The following MAGI3 variants were observed in gnomAD, a reference collection of about 807,000 sequenced individuals.
MAGI3 encodes membrane associated guanylate kinase, WW and PDZ domain containing 3, also known as membrane-associated guanylate kinase, WW and PDZ domain-containing protein 3.
A neutral mutation model predicts 121.8 loss-of-function variants in MAGI3; 43 were observed. That is an observed-to-expected ratio of 0.35 (90% CI 0.28 to 0.46). The LOEUF (loss-of-function observed/expected upper bound fraction) is 0.46. Ranked by LOEUF, MAGI3 falls within the 20% of genes least tolerant of loss-of-function variation. The pLI is 1.00. For synonymous variants in MAGI3, 553 were observed against 639.3 expected (o/e 0.86, Z 2.04); for missense variants, 1,547 against 1,797.3 (o/e 0.86, Z 2.52).
At position 113,633,238 on chromosome 1, in the gene MAGI3, A is replaced by ATTTTT. The variant is rs71090716; in HGVS notation, c.1361-8636_1361-8632dup. On this transcript the variant is annotated intron_variant, in intron 9 of 20. Coordinates refer to ENST00000307546, the MANE Select transcript of MAGI3 (RefSeq NM_001142782.2). ...TCCCTACAAAGGACATGAACTCATC[A>ATTTTT]TTTTTTTTTTTTTTTTTTTTTTTTT... is the stretch of plus-strand genomic sequence containing the variant. Among the ~76,000 whole-genome samples the ATTTTT allele has an allele frequency of 1.2e-3, 70 of 56,668 alleles. 23 individuals are homozygous for ATTTTT. The highest frequency in any genetic ancestry group is 2.6e-3 in the East Asian group (4 of 1,546). 37.2% of individuals were successfully genotyped at this position (56,668 alleles called of 152,430 possible). A position where few individuals can be genotyped will look rare whatever the true frequency, so the allele number is the denominator to read the frequency against.
At chr1:113,668,300 A>G (rs1228412410) in intron 16 of MAGI3, among the ~76,000 whole-genome samples, 2 of 152,250 alleles carry the variant, frequency 1.3e-5, no homozygotes, top group African/African-American at 4.8e-5. Flanking sequence ...CAGAAAGCCC[A>G]GCAAAAATGT....
intron 14 of MAGI3, among the ~76,000 whole-genome samples, chr1:113,652,605 G>C (rs1340920108): frequency 3.3e-5 from 5 of 151,936 alleles, no homozygotes; most frequent in South Asian, 2.1e-4. Context: ...AAGTTTCATA[G>C]TAGTTTGGTA....
chr1:113,475,076 C>T (rs1296650749), intron 1 of MAGI3, among the ~76,000 whole-genome samples: 1 of 152,130 alleles, frequency 6.6e-6, no homozygotes, highest in Admixed American at 6.5e-5. Context: ...GTGATTTTTG[C>T]ACATTGATTT....
At chr1:113,674,482 A>T (rs1299845229) in intron 19 of MAGI3, among the ~76,000 whole-genome samples, 4 of 151,904 alleles carry the variant, frequency 2.6e-5, no homozygotes, top group Non-Finnish European at 5.9e-5. Flanking sequence ...TACATTAAAA[A>T]CTTTTAATTT....
intron 1 of MAGI3, among the ~76,000 whole-genome samples, chr1:113,505,060 A>G (rs1461518292): frequency 2.0e-5 from 3 of 152,132 alleles, no homozygotes; most frequent in African/African-American, 7.2e-5. Flanking sequence ...TATGTAGCAA[A>G]AGAGAAGAAT....
intron 6 of MAGI3, among the ~76,000 whole-genome samples, chr1:113,602,350 C>T (rs1355881733): frequency 1.3e-5 from 2 of 152,158 alleles, no homozygotes; most frequent in East Asian, 3.8e-4. Context: ...ATTAAACAGT[C>T]TGCTCCTAAG....
intron 7 of MAGI3, among the ~76,000 whole-genome samples, chr1:113,619,036 G>A (rs1350376426): frequency 2.0e-5 from 3 of 152,142 alleles, no homozygotes; most frequent in African/African-American, 4.8e-5. Context: ...GAATAGTTTG[G>A]CTAATCTCCT....
At chr1:113,598,031 G>A (rs1458053551) in intron 6 of MAGI3, among the ~76,000 whole-genome samples, 2 of 152,112 alleles carry the variant, frequency 1.3e-5, no homozygotes, top group Admixed American at 1.3e-4. Context: ...GACCAACATG[G>A]TGAAACCCCA....
chr1:113,416,201 T>A (rs1183086851), intron 1 of MAGI3, among the ~76,000 whole-genome samples: 4 of 118,870 alleles, frequency 3.4e-5, no homozygotes, highest in Non-Finnish European at 5.4e-5. Context: ...ATGTAATTAA[T>A]GACACATATT....
At chr1:113,443,218 A>C (rs1236423468) in intron 1 of MAGI3, among the ~76,000 whole-genome samples, 2 of 152,164 alleles carry the variant, frequency 1.3e-5, no homozygotes, top group Non-Finnish European at 2.9e-5. Context: ...TGGTTCTGTT[A>C]ATTTGAATTA....
Position 113,391,164 on chromosome 1 carries a change from A to G in MAGI3, c.131A>G (p.Tyr44Cys). Residue 44 changes from tyrosine (Y) to cysteine (C), a missense_variant, in exon 1 of 21, where the codon TAC becomes TGC. Physicochemically the swap from Tyr to Cys is radical, Grantham distance 194 (BLOSUM62 -2). Transcript: ENST00000307546. This position sits in a 1 kb window ranked among gnomAD's most constrained non-coding sequence, Gnocchi z 4.4. Reference sequence around the variant, plus strand: ...GGCGCGGAGCGTGGCGAGTTCCCCTACCTGGGGCGGCTCCGCGAGGAGCCC... The same window carrying G: ...GGCGCGGAGCGTGGCGAGTTCCCCTGCCTGGGGCGGCTCCGCGAGGAGCCC... Reference protein sequence around the residue: ...RGGAERGEFPYLGRLREEPGG... With the variant: ...RGGAERGEFPCLGRLREEPGG... The G allele has an allele frequency of 6.4e-7, 1 of 1,556,552 alleles. No homozygotes were observed. The highest frequency in any genetic ancestry group is 8.7e-7 in the Non-Finnish European group (1 of 1,150,878).
rs1473719862 is a variant in MAGI3 at position 113,423,268 on chromosome 1, G to A, written c.316+31919G>A. Among the ~76,000 whole-genome samples, 57 of 146,826 alleles carry A rather than the reference G, an allele frequency of 3.9e-4. 1 individual carries two copies. The highest frequency in any genetic ancestry group is 6.8e-4 in the Non-Finnish European group (45 of 66,094). On this transcript the variant is annotated intron_variant, in intron 1 of 20. Transcript: ENST00000307546. ...TTCGTTTTTTTTTTTTTGGGGGGGG[G>A]GTTGTTTTTGTTTTTGTTTTTGAGA...
chr1:113,402,027 A>G (rs1224042535), intron 1 of MAGI3, among the ~76,000 whole-genome samples: 1 of 152,198 alleles, frequency 6.6e-6, no homozygotes, highest in Non-Finnish European at 1.5e-5. Flanking sequence ...GTATATGGAT[A>G]AACAATTCGA....
intron 9 of MAGI3, among the ~76,000 whole-genome samples, chr1:113,633,483 G>A (rs1233293435): frequency 2.0e-5 from 3 of 151,406 alleles, no homozygotes; most frequent in Admixed American, 6.6e-5. Flanking sequence ...GGATGGTCTC[G>A]ATCTCCTGAC....
chr1:113,531,545 G>T (rs1658720874), intron 1 of MAGI3, among the ~76,000 whole-genome samples: 1 of 152,058 alleles, frequency 6.6e-6, no homozygotes, highest in South Asian at 2.1e-4. Context: ...CAGTCTGATG[G>T]TGAGAAATCA....
chr1:113,525,351 C>G (rs1182338521), intron 1 of MAGI3, among the ~76,000 whole-genome samples: 4 of 152,132 alleles, frequency 2.6e-5, no homozygotes, highest in Admixed American at 6.5e-5. Flanking sequence ...TTAATTTAGA[C>G]CAGTCTTCCT....
At chr1:113,639,242 A>C (rs577627100) in intron 9 of MAGI3, among the ~76,000 whole-genome samples, 6 of 152,182 alleles carry the variant, frequency 3.9e-5, no homozygotes, top group Admixed American at 1.3e-4. Context: ...TGCACCCACT[A>C]TCCTGCACCC....
At chr1:113,482,723 A>G (rs1294713191) in intron 1 of MAGI3, among the ~76,000 whole-genome samples, 2 of 151,018 alleles carry the variant, frequency 1.3e-5, no homozygotes, top group Non-Finnish European at 2.9e-5. Context: ...TGGAAAATGT[A>G]AGTATATTTG....
At chr1:113,406,558 C>G (rs1054583970) in intron 1 of MAGI3, among the ~76,000 whole-genome samples, 1 of 149,648 alleles carries the variant, frequency 6.7e-6, no homozygotes, top group African/African-American at 2.5e-5. Context: ...AGCAAATAAT[C>G]TCTTGGAATT....
Sources: gnomAD v4.1 joint callset for allele counts (sites outside exome capture counted in the v4.1 genomes callset) on GRCh38, gnomAD v4.1.1 for gene constraint, Gnocchi (gnomAD v3.1) non-coding constraint, MANE v1.5 for transcripts, NCBI Gene and HGNC (gene_info 2026-07-23, HGNC 2026-07-21) for gene names.